The following TARM1 variants were observed in gnomAD, a reference collection of about 807,000 sequenced individuals.
TARM1 encodes the protein T-cell-interacting, activating receptor on myeloid cells protein 1.
A neutral mutation model predicts 30.4 loss-of-function variants in TARM1; 24 were observed. That is an observed-to-expected ratio of 0.79 (90% CI 0.57 to 1.11). The LOEUF is 1.11. TARM1 is among the 50% of genes least tolerant of loss of function. The pLI, the probability that TARM1 is intolerant of heterozygous loss-of-function variation, is 0.00. For synonymous variants in TARM1, 129 were observed against 138.9 expected, an observed-to-expected ratio of 0.93 and a Z score of 0.50; for missense variants, 323 against 332.8, an observed-to-expected ratio of 0.97 and a Z score of 0.23.
rs1450613380 is a variant in TARM1, at chr19:54,080,204, C to T, written c.34+1103G>A. On this transcript the variant is annotated intron_variant, in intron 1 of 4. Transcript: ENST00000432826. Reference sequence around the variant, plus strand: ...GCAAGCAAGCAAGCAGGCAAGCAAGCGGGGGCTCACGCCTGTAATCCCAGC... The same window carrying T: ...GCAAGCAAGCAAGCAGGCAAGCAAGTGGGGGCTCACGCCTGTAATCCCAGC... Among the ~76,000 whole-genome samples the T allele has an allele frequency of 2.0e-5, 3 of 148,064 alleles. No individual in the cohort carries two copies. In the Admixed American group the frequency reaches 2.1e-4, roughly 10 times the overall value.
At chr19:54,074,769 C>T in intron 3 of TARM1, 55 bp downstream of exon 3, 1 of 1,517,236 alleles carries the variant, frequency 6.6e-7, no homozygotes, top group Non-Finnish European at 8.9e-7. Flanking sequence ...TGTTCCTCCA[C>T]TTCCTCCCTC....
intron 1 of TARM1, 193 bp from the exon 2 acceptor site, chr19:54,076,111 A>T: frequency 5.5e-6 from 8 of 1,466,220 alleles, no homozygotes; most frequent in Non-Finnish European, 7.2e-6. Context: ...CCTTTCCCAG[A>T]GATTCTCCTT....
Position 54,070,121 on chromosome 19 carries a change from T to A in TARM1, c.698A>T (p.Asn233Ile). 1 of 1,551,640 alleles carries A rather than the reference T, an allele frequency of 6.4e-7. No homozygotes were observed. The highest frequency in any genetic ancestry group is 8.7e-7 in the Non-Finnish European group (1 of 1,146,962). ...GTTSSNYSLG[N>I]FVRLGLAAVI... ...GGCAGCCAGACCCAGTCGTACGAAG[T>A]TACCCAGGGAGTAGTTGCTCGATGT... The change falls in exon 5 of 5, where the codon AAC becomes ATC. Residue 233 changes from asparagine to isoleucine, a missense_variant. By Grantham distance (149) the Asn-to-Ile change is moderately radical (BLOSUM62 -3). Transcript: ENST00000432826.
At chr19:54,073,846 G>A in intron 4 of TARM1, 74 bp downstream of exon 4, 3 of 1,464,516 alleles carry the variant, frequency 2.0e-6, no homozygotes, top group Non-Finnish European at 2.8e-6. Context: ...GAAGAAATGA[G>A]ATTCACAGAA....
chr19:54,069,986 C>T lies in TARM1; in HGVS notation c.*17G>A. 1 of 1,545,648 alleles carries T rather than the reference C, an allele frequency of 6.5e-7. No individual in the cohort carries two copies. ...AGGTTGCAGCCTCAGTTTACCCAGC[C>T]CCGGTTCAAGATGGAGTCACTCTGG... On this transcript the variant is annotated 3_prime_UTR_variant, in exon 5 of 5. Coordinates refer to ENST00000432826, the MANE Select transcript of TARM1 (RefSeq NM_001135686.3).
intron 4 of TARM1, among the ~76,000 whole-genome samples, chr19:54,072,713 A>G (rs896289884): frequency 6.6e-6 from 1 of 152,162 alleles, no homozygotes; most frequent in Non-Finnish European, 1.5e-5. Flanking sequence ...ACAGTGGTTC[A>G]CACCTGCAAT....
intron 3 of TARM1, 33 bp from the exon 4 acceptor site, chr19:54,074,249 GA>G: frequency 6.5e-7 from 1 of 1,534,348 alleles, no homozygotes; most frequent in Non-Finnish European, 8.8e-7. Flanking sequence ...AGGTCCTGGG[GA>G]GAAGTCTGGA....
chr19:54,073,183 C>G (rs953468535), intron 4 of TARM1, among the ~76,000 whole-genome samples: 3 of 150,852 alleles, frequency 2.0e-5, no homozygotes, highest in African/African-American at 7.3e-5. Context: ...CCGAGGCAGG[C>G]AGATCACCTG....
chr19:54,074,416 C>T (rs1246611061), intron 3 of TARM1, among the ~76,000 whole-genome samples, 200 bp from the exon 4 acceptor site: 1 of 152,210 alleles, frequency 6.6e-6, no homozygotes, highest in East Asian at 1.9e-4. Flanking sequence ...GGCATGGTGG[C>T]TCACACCTGT....
Position 54,074,074 on chromosome 19 carries a change from G to C in TARM1, c.504C>G (p.Pro168=), listed in dbSNP as rs771176438. Residue 168 remains proline, a synonymous_variant, in exon 4 of 5, where the codon CCC becomes CCG. Coordinates refer to ENST00000432826, the MANE Select transcript of TARM1 (RefSeq NM_001135686.3). Reference sequence around the variant, plus strand: ...TCCCCGCTGGACTCTGCAGCTGGATGGGTGATGGCGTCCCTGCCTTCAGTA... The same window carrying C: ...TCCCCGCTGGACTCTGCAGCTGGATCGGTGATGGCGTCCCTGCCTTCAGTA... ...FALLKAGTPS[P]IQLQSPAGKE... The C allele has an allele frequency of 1.3e-6, 2 of 1,551,596 alleles. No homozygotes were observed. The highest frequency in any genetic ancestry group is 2.7e-5 in the African/African-American group (2 of 73,054).
intron 3 of TARM1, 148 bp downstream of exon 3, chr19:54,074,676 C>T (rs2071899421): frequency 1.2e-5 from 10 of 865,456 alleles, no homozygotes; most frequent in Non-Finnish European, 1.7e-5. Flanking sequence ...AAGTATAAAA[C>T]CAACATATGC....
intron 4 of TARM1, among the ~76,000 whole-genome samples, chr19:54,072,372 A>G (rs1419678622): frequency 6.6e-6 from 1 of 152,208 alleles, no homozygotes. Flanking sequence ...CTGAGGAAGC[A>G]GAGTGCTAGC....
In TARM1 at chr19:54,075,146, G is replaced by A. The variant is rs1271729449; in HGVS notation, c.71-32C>T. ...GGAAGCAGAGCCTGATGCTGGACCC[G>A]ATGCCCTCCCCTGCTCTCAGGAAGC... On this transcript the variant is annotated intron_variant, in intron 2 of 4. Transcript: ENST00000432826. 6.5e-6 allele frequency: 10 copies of A among 1,537,828 alleles called. No individual in the cohort carries two copies. The African/African-American group carries it at 9.7e-5, about 15-fold the overall frequency.
chr19:54,072,522 A>T (rs77342320), intron 4 of TARM1, among the ~76,000 whole-genome samples: 142,438 of 150,220 alleles, frequency 0.95, 67,601 homozygotes, highest in South Asian at 0.99. Context: ...TTTTTTTTTT[A>T]AATTTGAAAC....
chr19:54,071,333 T>C (rs1292886141), intron 4 of TARM1, among the ~76,000 whole-genome samples: 1 of 152,180 alleles, frequency 6.6e-6, no homozygotes, highest in Non-Finnish European at 1.5e-5. Flanking sequence ...ACCTTAGCTC[T>C]CTTCCTTCGT....
At position 54,075,074 on chromosome 19, in the gene TARM1, C is replaced by T. The variant is rs776268592; in HGVS notation, c.111G>A (p.Ser37=). The part of the protein sequence containing the change: ...PKPSLSAWPS[S]VVPANSNVTL... ...TCACATTGCTGTTGGCAGGGACCACCGAGCTGGGCCAGGCACTGAGGGACG... is the reference window on the plus strand; with the variant it reads ...TCACATTGCTGTTGGCAGGGACCACTGAGCTGGGCCAGGCACTGAGGGACG... Residue 37 remains serine (S), a synonymous_variant, in exon 3 of 5, where the codon TCG becomes TCA. Coordinates refer to ENST00000432826, the MANE Select transcript of TARM1 (RefSeq NM_001135686.3). 5.8e-4 allele frequency: 902 copies of T among 1,551,486 alleles called. 1 individual carries two copies. The highest frequency in any genetic ancestry group is 4.9e-4 in the Non-Finnish European group (565 of 1,146,988).
intron 1 of TARM1, 127 bp from the exon 2 acceptor site, chr19:54,076,045 G>A: frequency 7.0e-7 from 1 of 1,434,014 alleles, no homozygotes; most frequent in Non-Finnish European, 9.4e-7. Flanking sequence ...ACGCTCAGGA[G>A]TTCTCATTCT....
At position 54,074,998 on chromosome 19, in the gene TARM1, C is replaced by G. The variant is rs1433955831; in HGVS notation, c.187G>C (p.Gly63Arg). Reference sequence around the variant, plus strand: ...TTCGGGGACTCCAGAATAATTCCTCCCTTCCTGAGAACAAAGCTCACACCT... The same window carrying G: ...TTCGGGGACTCCAGAATAATTCCTCGCTTCCTGAGAACAAAGCTCACACCT... Reference protein sequence around the residue: ...ARGVSFVLRKGGIILESPKPL... With the variant: ...ARGVSFVLRKRGIILESPKPL... The change falls in exon 3 of 5, where the codon GGA (glycine) becomes CGA (arginine). Residue 63 changes from glycine (G) to arginine (R), a missense_variant. Gly to Arg is a moderately radical substitution (Grantham distance 125). Transcript: ENST00000432826. 5 of 1,551,482 alleles carry G rather than the reference C, an allele frequency of 3.2e-6. No individual in the cohort carries two copies. The highest frequency in any genetic ancestry group is 4.4e-6 in the Non-Finnish European group (5 of 1,146,966).
chr19:54,077,209 C>T (rs587760329), intron 1 of TARM1, among the ~76,000 whole-genome samples: 10 of 151,750 alleles, frequency 6.6e-5, no homozygotes, highest in African/African-American at 1.9e-4. Context: ...GGTGAAACCC[C>T]GTCTCTACTA....
Sources: gnomAD v4.1 joint callset for allele counts (sites outside exome capture counted in the v4.1 genomes callset) on GRCh38, gnomAD v4.1.1 for gene constraint, MANE v1.5 for transcripts, NCBI Gene and HGNC (gene_info 2026-07-23, HGNC 2026-07-21) for gene names.